MGAM2: variants seen among roughly 807,000 people sequenced by gnomAD.
MGAM2 encodes the protein maltase-glucoamylase 2 (putative), also known as probable maltase-glucoamylase 2.
A neutral mutation model predicts 96.1 loss-of-function variants in MGAM2; 98 were observed. The observed-to-expected ratio is 1.02, with a 90% confidence interval of 0.87 to 1.21. The LOEUF (loss-of-function observed/expected upper bound fraction) is 1.21, where lower values mean the gene tolerates loss of function less well. Ranked by LOEUF, MGAM2 falls within the 50% of genes most tolerant of loss-of-function variation. The pLI is 0.00. For synonymous variants in MGAM2, 749 were observed against 414.8 expected (o/e 1.81, Z -9.79); for missense variants, 2,055 against 1,182.4 (o/e 1.74, Z -10.82).
At chr7:142,196,378 T>C (rs529357655) in intron 38 of MGAM2, 91 bp downstream of exon 38, 181 of 649,212 alleles carry the variant, frequency 2.8e-4, no homozygotes, top group Non-Finnish European at 4.5e-4. Context: ...TCTATCATCA[T>C]CTAGGTGGGT....
Position 142,148,998 on chromosome 7 carries a change from G to A in MGAM2, c.1634+1425G>A, listed in dbSNP as rs756020179. Among the ~76,000 whole-genome samples, 1 of 152,090 alleles carries A rather than the reference G, an allele frequency of 6.6e-6. No homozygotes were observed. The highest frequency in any genetic ancestry group is 1.5e-5 in the Non-Finnish European group (1 of 68,030). ...TCCAAGCACTTTGGGAGGCTGAGGT[G>A]GGCAGATCACCTGAGTTCAGGAGTT... On this transcript the variant is annotated intron_variant, in intron 15 of 47. Transcript: ENST00000477922. The surrounding 1 kb of genome is among the most constrained non-coding windows in gnomAD (Gnocchi z 4.2).
chr7:142,140,713 A>C, intron 10 of MGAM2, 89 bp from the exon 11 acceptor site: 1 of 573,496 alleles, frequency 1.7e-6, no homozygotes, highest in Non-Finnish European at 3.1e-6. Flanking sequence ...ATATGGTTTC[A>C]TTTTCAATGG....
At chr7:142,192,046 G>A (rs769536344) in intron 37 of MGAM2, among the ~76,000 whole-genome samples, 2 of 152,122 alleles carry the variant, frequency 1.3e-5, no homozygotes, top group Non-Finnish European at 2.9e-5. Context: ...TCCCAGGACA[G>A]AGTGTGATCT....
intron 37 of MGAM2, 61 bp downstream of exon 37, chr7:142,189,566 C>A: frequency 1.6e-6 from 1 of 613,310 alleles, no homozygotes; most frequent in Non-Finnish European, 2.9e-6. Context: ...TTTGCCATTT[C>A]ATATTTGCAT....
In MGAM2 at chr7:142,198,644, G is replaced by A; in HGVS notation, c.4953G>A (p.Arg1651=). The change falls in exon 44 of 48, where the codon AGG becomes AGA. Residue 1651 remains arginine (R), a synonymous_variant. Transcript: ENST00000477922. ...CTAGCAGCACATCAACAGGTCAGAG[G>A]AAAATCCTGAAGGCTCCCCTTGACC... ...TGTSSTSTGQ[R]KILKAPLDHI... is the part of the protein sequence containing the mutation. The A allele has an allele frequency of 1.4e-6, 1 of 703,296 alleles. No homozygotes were observed. Among genetic ancestry groups the A allele is most frequent in the African/African-American group, 1.7e-5 (1 of 57,374 alleles). The allele number at this position is 703,296 out of a possible 1,614,324, so 43.6% of individuals were successfully genotyped here.
Position 142,196,584 on chromosome 7 carries a change from C to G in MGAM2, c.4500C>G (p.Leu1500=), listed in dbSNP as rs1563289029. 2 of 722,818 alleles carry G rather than the reference C, an allele frequency of 2.8e-6. No homozygotes were observed. The highest frequency in any genetic ancestry group is 5.1e-6 in the Non-Finnish European group (2 of 393,272). The allele number at this position is 722,818 out of a possible 1,614,324, so 44.8% of individuals were successfully genotyped here. A position where few individuals can be genotyped will look rare whatever the true frequency, so the allele number is the denominator to read the frequency against. Residue 1500 remains leucine, a synonymous_variant, in exon 39 of 48, where the codon CTC becomes CTG. Coordinates refer to ENST00000477922, the MANE Select transcript of MGAM2 (RefSeq NM_001293626.2). ...TTGCAGGCATGATGGAGTTCAGTCT[C>G]TTTGGAATACCTTATGTAAGTCACA... The part of the protein sequence containing the change: ...KSIIGMMEFS[L]FGIPYTGADI...
intron 3 of MGAM2, among the ~76,000 whole-genome samples, chr7:142,129,239 G>A (rs188141987): frequency 6.6e-6 from 1 of 152,328 alleles, no homozygotes; most frequent in East Asian, 1.9e-4. Context: ...CCCAATGCCT[G>A]TACCCCATTG....
chr7:142,124,432 C>A (rs2129075290), intron 3 of MGAM2, among the ~76,000 whole-genome samples: 1 of 152,104 alleles, frequency 6.6e-6, no homozygotes, highest in African/African-American at 2.4e-5. Context: ...CTAGTTTGTT[C>A]TTTTGCCAAT....
chr7:142,120,048 A>G, intron 2 of MGAM2, among the ~76,000 whole-genome samples: 1 of 152,242 alleles, frequency 6.6e-6, no homozygotes. Context: ...ATTTTGTGGT[A>G]TATAAATTGT....
In MGAM2 at chr7:142,196,263, G is replaced by A; in HGVS notation, c.4456G>A (p.Asp1486Asn). Residue 1486 changes from aspartate to asparagine, a missense_variant, in exon 38 of 48, where the codon GAC becomes AAC. By Grantham distance (23) the Asp-to-Asn change is conservative. Transcript: ENST00000477922. Reference protein sequence around the residue: ...HRLGNNTAAWDQLGKSIIGMM... With the variant: ...HRLGNNTAAWNQLGKSIIGMM... The stretch of plus-strand genomic sequence containing the variant: ...GTTGGGAAACAACACAGCTGCATGG[G>A]ACCAGCTGGGGAAATCTATCATTGG... 2 of 785,764 alleles carry A rather than the reference G, an allele frequency of 2.5e-6. No homozygotes were observed. Among genetic ancestry groups the A allele is most frequent in the South Asian group, 2.9e-5 (2 of 68,882 alleles). The allele number at this position is 785,764 out of a possible 1,614,324, so 48.7% of individuals were successfully genotyped here. A position where few individuals can be genotyped will look rare whatever the true frequency, so the allele number is the denominator to read the frequency against.
At chr7:142,210,222 G>A (rs951228152) in intron 46 of MGAM2, among the ~76,000 whole-genome samples, 20 of 152,190 alleles carry the variant, frequency 1.3e-4, no homozygotes, top group Admixed American at 1.0e-3. Context: ...TCCCTCAGGT[G>A]CCTACACCAC....
At chr7:142,209,060 G>A (rs1797498939) in intron 46 of MGAM2, among the ~76,000 whole-genome samples, 1 of 152,118 alleles carries the variant, frequency 6.6e-6, no homozygotes, top group African/African-American at 2.4e-5. Context: ...TCTGGTCTTG[G>A]CTGATCTTTG....
intron 36 of MGAM2, among the ~76,000 whole-genome samples, chr7:142,189,121 A>G (rs1563284766): frequency 1.3e-5 from 2 of 152,214 alleles, no homozygotes; most frequent in Admixed American, 6.5e-5. Flanking sequence ...ACAACACTCT[A>G]TAAATTAAAT....
In MGAM2 at chr7:142,115,040, A is replaced by ATCCT. The variant is rs1004710311; in HGVS notation, c.1-1833_1-1830dup. On this transcript the variant is annotated intron_variant, in intron 1 of 47. Transcript: ENST00000477922. ...AGACTAGCCTGGCCAACGTGGTGAA[A>ATCCT]TCCTATCTCTACTAAAAATACAAAA... 7.2e-5 allele frequency among the ~76,000 whole-genome samples: 11 copies of ATCCT among 152,018 alleles called. No individual in the cohort carries two copies. The East Asian group carries it at 2.1e-3, about 30-fold the overall frequency.
intron 35 of MGAM2, among the ~76,000 whole-genome samples, chr7:142,187,137 C>G (rs1796724744): frequency 6.6e-6 from 1 of 152,184 alleles, no homozygotes; most frequent in Non-Finnish European, 1.5e-5. Context: ...GCCCCTACTC[C>G]TTGCATTTAA....
At chr7:142,163,390 T>C (rs1172267182) in intron 23 of MGAM2, among the ~76,000 whole-genome samples, 1 of 152,178 alleles carries the variant, frequency 6.6e-6, no homozygotes, top group Admixed American at 6.5e-5. Flanking sequence ...CAAGAGATTC[T>C]CTTACCTGAG....
chr7:142,202,040 C>A (rs1451703547), intron 45 of MGAM2, among the ~76,000 whole-genome samples: 1 of 152,106 alleles, frequency 6.6e-6, no homozygotes, highest in Non-Finnish European at 1.5e-5. Flanking sequence ...ATGTAAAAGG[C>A]ATTTTTGCTA....
At chr7:142,117,268 T>A (rs369201597) in intron 2 of MGAM2, among the ~76,000 whole-genome samples, 1 of 152,224 alleles carries the variant, frequency 6.6e-6, no homozygotes, top group African/African-American at 2.4e-5. Flanking sequence ...AGTCATGAAG[T>A]CGTACTGCCT....
chr7:142,164,675 A>T (rs1214922760), intron 23 of MGAM2, among the ~76,000 whole-genome samples, 181 bp from the exon 24 acceptor site: 1 of 152,174 alleles, frequency 6.6e-6, no homozygotes. Flanking sequence ...TTACTTAAAA[A>T]TTTAAGATTG....
Sources: gnomAD v4.1 joint callset for allele counts (sites outside exome capture counted in the v4.1 genomes callset) on GRCh38, gnomAD v4.1.1 for gene constraint, Gnocchi (gnomAD v3.1) non-coding constraint, MANE v1.5 for transcripts, NCBI Gene and HGNC (gene_info 2026-07-23, HGNC 2026-07-21) for gene names.